Variants in SLC9D1 observed in about 807,000 individuals in gnomAD.
The protein encoded by SLC9D1 is solute carrier family 9 member D1.
chr13:113,543,278 C>T, the SLC9D1 span, among the ~76,000 whole-genome samples: 6 of 18,014 alleles, frequency 3.3e-4, no homozygotes, highest in East Asian at 1.1e-3. Context: ...CTCCCTGCCC[C>T]CACTCTGTCC....
the SLC9D1 span, among the ~76,000 whole-genome samples, chr13:113,542,856 C>G: frequency 6.6e-6 from 1 of 152,102 alleles, no homozygotes; most frequent in African/African-American, 2.4e-5. Context: ...CATAAATAGC[C>G]GAGGCAGTCC....
chr13:113,519,425 T>C, the SLC9D1 span, among the ~76,000 whole-genome samples: 1 of 151,324 alleles, frequency 6.6e-6, no homozygotes, highest in Non-Finnish European at 1.5e-5. Flanking sequence ...TTTAGAAGCA[T>C]ATTTACAGAG....
At chr13:113,548,217 T>C in the SLC9D1 span, 237,045 of 1,478,420 alleles carry the variant, frequency 0.16, 20,589 homozygotes, top group Admixed American at 0.36. Context: ...AGCGTGCCTG[T>C]GGCTCGTCTG....
At chr13:113,541,614 T>G in the SLC9D1 span, among the ~76,000 whole-genome samples, 2 of 143,402 alleles carry the variant, frequency 1.4e-5, no homozygotes, top group African/African-American at 2.6e-5. Flanking sequence ...TCCAGATGTG[T>G]GGATGATACG....
At chr13:113,492,032 G>A in the SLC9D1 span, among the ~76,000 whole-genome samples, 1 of 152,246 alleles carries the variant, frequency 6.6e-6, no homozygotes, top group Non-Finnish European at 1.5e-5. Flanking sequence ...TGTTGAGACA[G>A]AGTTTTGCTG....
At chr13:113,524,599 G>A in the SLC9D1 span, among the ~76,000 whole-genome samples, 7 of 152,154 alleles carry the variant, frequency 4.6e-5, no homozygotes, top group African/African-American at 1.7e-4. Flanking sequence ...GCCTCCCAAA[G>A]TGCTGGGATT....
the SLC9D1 span, among the ~76,000 whole-genome samples, chr13:113,538,814 G>A: frequency 7.3e-4 from 111 of 152,370 alleles, no homozygotes; most frequent in African/African-American, 2.6e-3. Flanking sequence ...CCTGCGTTTC[G>A]CAGAGCTGCG....
the SLC9D1 span, chr13:113,510,482 T>C: frequency 6.5e-7 from 1 of 1,539,512 alleles, no homozygotes; most frequent in African/African-American, 1.4e-5. Context: ...TAGGTGACTT[T>C]TGGATTCACA....
chr13:113,518,756 T>C, the SLC9D1 span, among the ~76,000 whole-genome samples: 2 of 152,266 alleles, frequency 1.3e-5, no homozygotes, highest in East Asian at 3.9e-4. Flanking sequence ...TGGGAGGCAA[T>C]TTTATCATCT....
At chr13:113,515,890 C>CAAAAAAAAAAAAAA in the SLC9D1 span, among the ~76,000 whole-genome samples, 2 of 79,066 alleles carry the variant, frequency 2.5e-5, no homozygotes, top group African/African-American at 4.9e-5. Context: ...GACTCCGTCC[C>CAAAAAAAAAAAAAA]AAAAAAAAAA....
At chr13:113,533,447 G>A in the SLC9D1 span, among the ~76,000 whole-genome samples, 1 of 152,224 alleles carries the variant, frequency 6.6e-6, no homozygotes, top group African/African-American at 2.4e-5. Context: ...ATTGTGGCCT[G>A]AGTGGTGGAA....
chr13:113,531,357 G>A, the SLC9D1 span, among the ~76,000 whole-genome samples: 1 of 152,264 alleles, frequency 6.6e-6, no homozygotes, highest in Non-Finnish European at 1.5e-5. Flanking sequence ...TGTGCTGATG[G>A]GAAGCTTGTC....
chr13:113,544,010 C>T, the SLC9D1 span, among the ~76,000 whole-genome samples: 3 of 152,268 alleles, frequency 2.0e-5, no homozygotes, highest in Non-Finnish European at 2.9e-5. Context: ...AGCACGTAGA[C>T]GGCATCTGCC....
At chr13:113,544,117 C>G in the SLC9D1 span, among the ~76,000 whole-genome samples, 1 of 152,248 alleles carries the variant, frequency 6.6e-6, no homozygotes, top group African/African-American at 2.4e-5. Flanking sequence ...ACAGATGTGT[C>G]CGGGCTGCCT....
the SLC9D1 span, among the ~76,000 whole-genome samples, chr13:113,492,430 C>T: frequency 6.6e-6 from 1 of 152,174 alleles, no homozygotes; most frequent in Non-Finnish European, 1.5e-5. Flanking sequence ...CTTGCAAAAC[C>T]ATAGTATATG....
the SLC9D1 span, chr13:113,539,282 C>A: frequency 6.9e-7 from 1 of 1,439,378 alleles, no homozygotes; most frequent in Non-Finnish European, 9.6e-7. This position sits in a 1 kb window ranked among gnomAD's most constrained non-coding sequence, Gnocchi z 4.8. Context: ...TGCTGGGTCT[C>A]GGGGTGGCCT....
the SLC9D1 span, chr13:113,527,381 T>C: frequency 6.6e-6 from 1 of 152,190 alleles, no homozygotes; most frequent in Non-Finnish European, 1.5e-5. Flanking sequence ...ACAAATTCTC[T>C]AAGTTTTTCT....
the SLC9D1 span, chr13:113,505,068 A>AT: frequency 6.6e-5 from 10 of 152,018 alleles, no homozygotes; most frequent in Admixed American, 2.0e-4. Flanking sequence ...GATGTTCAGC[A>AT]TTTTTTTATG....
the SLC9D1 span, chr13:113,498,545 T>G: frequency 8.6e-5 from 133 of 1,547,312 alleles, no homozygotes; most frequent in South Asian, 1.2e-4. Context: ...AACAGCTGCT[T>G]CTTCACCTCC....
Sources: gnomAD v4.1 joint callset for allele counts (sites outside exome capture counted in the v4.1 genomes callset) on GRCh38, gnomAD v4.1.1 for gene constraint, Gnocchi (gnomAD v3.1) non-coding constraint, MANE v1.5 for transcripts, NCBI Gene and HGNC (gene_info 2026-07-23, HGNC 2026-07-21) for gene names.